Variants in NRG3 observed in about 807,000 individuals in gnomAD.
NRG3 encodes the protein neuregulin 3.
A neutral mutation model predicts 66.9 loss-of-function variants in NRG3; 31 were observed. The ratio of observed to expected loss-of-function variants is 0.46; its 90% CI spans 0.35 to 0.63. The LOEUF (loss-of-function observed/expected upper bound fraction) is 0.63. Ranked by LOEUF, NRG3 falls within the 20% of genes least tolerant of loss-of-function variation. NRG3 has a pLI of 0.00. For missense variants in NRG3, 910 were observed against 878.9 expected, an observed-to-expected ratio of 1.04 and a Z score of -0.45; for synonymous variants, 393 against 359.4, an observed-to-expected ratio of 1.09 and a Z score of -1.06.
intron 2 of NRG3, among the ~76,000 whole-genome samples, chr10:82,447,486 A>G (rs529160488): frequency 2.0e-5 from 3 of 152,346 alleles, no homozygotes; most frequent in African/African-American, 7.2e-5. Flanking sequence ...ATCAGTGCAT[A>G]TATGTTCTCC....
rs112362705 is a variant in NRG3 at position 82,368,354 on chromosome 10, T to C, written c.953+9486T>C. ...GGGAATAAAAGAGAACAGGCACAGA[T>C]ACATTATTTAAAAACACAATAATAC... On this transcript the variant is annotated intron_variant, in intron 2 of 8. Transcript: ENST00000372141. Among the ~76,000 whole-genome samples, 28 of 138,724 alleles carry C rather than the reference T, an allele frequency of 2.0e-4. 3 individuals carry two copies. The highest frequency in any genetic ancestry group is 1.8e-3 in the Admixed American group (26 of 14,722). The allele number at this position is 138,724 out of a possible 152,430, so 91.0% of individuals were successfully genotyped here. A position where few individuals can be genotyped will look rare whatever the true frequency, so the allele number is the denominator to read the frequency against.
At chr10:82,053,769 A>C (rs1231015308) in intron 1 of NRG3, among the ~76,000 whole-genome samples, 1 of 152,232 alleles carries the variant, frequency 6.6e-6, no homozygotes, top group Non-Finnish European at 1.5e-5. Context: ...GATGGTATGT[A>C]AAGCCTGGAA....
chr10:81,945,084 A>G (rs954461556), intron 1 of NRG3, among the ~76,000 whole-genome samples: 1 of 151,694 alleles, frequency 6.6e-6, no homozygotes, highest in African/African-American at 2.4e-5. Context: ...TGGCTCACCT[A>G]CTTCTCAGGG....
At chr10:82,608,362 G>T (rs1410786200) in intron 2 of NRG3, among the ~76,000 whole-genome samples, 1 of 151,996 alleles carries the variant, frequency 6.6e-6, no homozygotes, top group African/African-American at 2.4e-5. Flanking sequence ...AACCTCCTGT[G>T]GTTTGAACTT....
intron 2 of NRG3, among the ~76,000 whole-genome samples, chr10:82,560,804 A>G (rs1344195612): frequency 6.6e-6 from 1 of 151,650 alleles, no homozygotes; most frequent in Non-Finnish European, 1.5e-5. Context: ...TTCATTTTAA[A>G]TAAGAAACGA....
chr10:82,923,850 C>T (rs890332961), intron 4 of NRG3, among the ~76,000 whole-genome samples: 6 of 151,644 alleles, frequency 4.0e-5, no homozygotes, highest in Non-Finnish European at 5.9e-5. Flanking sequence ...GAGAGAGGGC[C>T]GGGCACAGAG....
At chr10:82,818,834 T>C (rs2061828491) in intron 3 of NRG3, among the ~76,000 whole-genome samples, 1 of 152,206 alleles carries the variant, frequency 6.6e-6, no homozygotes, top group African/African-American at 2.4e-5. Flanking sequence ...GAAAAACATA[T>C]TCTCTCAGCC....
intron 3 of NRG3, among the ~76,000 whole-genome samples, chr10:82,807,196 A>G (rs1042295688): frequency 2.6e-5 from 4 of 152,204 alleles, no homozygotes; most frequent in Non-Finnish European, 4.4e-5. Flanking sequence ...CTGTCAAAGT[A>G]CATAAAAAGA....
Position 82,985,549 on chromosome 10 carries a change from G to C in NRG3, c.2035G>C (p.Glu679Gln), listed in dbSNP as rs766664863. ...PLSPTAKSER[E>Q]AQFVLRNEIQ... ...GAGTCCCACAGCCAAATCAGAACGA[G>C]AGGCGCAATTTGTCTTAAGAAATGA... The change falls in exon 9 of 9, where the codon GAG (glutamate) becomes CAG (glutamine). Residue 679 changes from glutamate to glutamine, a missense_variant. By Grantham distance (29) the Glu-to-Gln change is conservative (BLOSUM62 2). Transcript: ENST00000372141. The C allele has an allele frequency of 6.2e-7, 1 of 1,613,946 alleles. No individual in the cohort carries two copies. Among genetic ancestry groups the C allele is most frequent in the South Asian group, 1.1e-5 (1 of 91,080 alleles).
At chr10:82,290,189 A>G (rs2079645118) in intron 1 of NRG3, among the ~76,000 whole-genome samples, 1 of 152,198 alleles carries the variant, frequency 6.6e-6, no homozygotes, top group African/African-American at 2.4e-5. Flanking sequence ...ACTTAGGTGT[A>G]GTATGCTTTG....
At chr10:82,556,133 C>T (rs1296578618) in intron 2 of NRG3, among the ~76,000 whole-genome samples, 2 of 152,142 alleles carry the variant, frequency 1.3e-5, no homozygotes, top group Non-Finnish European at 2.9e-5. Flanking sequence ...TTTTTGGTTA[C>T]ATCTCACTTT....
chr10:81,980,404 C>A (rs889526356), intron 1 of NRG3, among the ~76,000 whole-genome samples: 27 of 151,962 alleles, frequency 1.8e-4, no homozygotes, highest in African/African-American at 6.5e-4. Context: ...TTGGGGGAGT[C>A]AGATAATAAG....
intron 1 of NRG3, among the ~76,000 whole-genome samples, chr10:82,324,994 G>C (rs144600815): frequency 3.3e-5 from 5 of 152,112 alleles, no homozygotes; most frequent in Non-Finnish European, 7.4e-5. Flanking sequence ...ACTACCAAGA[G>C]ATAAGGGTTA....
intron 1 of NRG3, among the ~76,000 whole-genome samples, chr10:82,142,612 G>A (rs1392170767): frequency 1.3e-5 from 2 of 152,022 alleles, no homozygotes; most frequent in African/African-American, 4.8e-5. Flanking sequence ...AGGAAACATA[G>A]CAAAGCATTA....
intron 4 of NRG3, among the ~76,000 whole-genome samples, chr10:82,875,707 G>T (rs1841759351): frequency 1.3e-5 from 2 of 152,116 alleles, no homozygotes; most frequent in African/African-American, 4.8e-5. Flanking sequence ...TTTAACATGG[G>T]CTTCAGTACA....
chr10:82,616,988 T>A (rs116136223), intron 2 of NRG3, among the ~76,000 whole-genome samples: 1 of 152,208 alleles, frequency 6.6e-6, no homozygotes, highest in Non-Finnish European at 1.5e-5. Flanking sequence ...GTTTGTTAAA[T>A]TGAATGTAAA....
intron 1 of NRG3, among the ~76,000 whole-genome samples, chr10:81,931,805 A>G (rs540110290): frequency 3.3e-4 from 50 of 152,304 alleles, no homozygotes; most frequent in South Asian, 2.1e-3. Context: ...AGAGAGAAGG[A>G]AGTGTTTATT....
At chr10:82,533,659 G>C (rs541974724) in intron 2 of NRG3, among the ~76,000 whole-genome samples, 1 of 152,188 alleles carries the variant, frequency 6.6e-6, no homozygotes, top group South Asian at 2.1e-4. Flanking sequence ...AACAGAAAAA[G>C]CTTTTCCTCT....
At chr10:82,389,386 A>G (rs889663399) in intron 2 of NRG3, among the ~76,000 whole-genome samples, 11 of 152,194 alleles carry the variant, frequency 7.2e-5, no homozygotes, top group African/African-American at 2.7e-4. Flanking sequence ...CCTAGGATTC[A>G]CAGGAGATCA....
Sources: gnomAD v4.1 joint callset for allele counts (sites outside exome capture counted in the v4.1 genomes callset) on GRCh38, gnomAD v4.1.1 for gene constraint, MANE v1.5 for transcripts, NCBI Gene and HGNC (gene_info 2026-07-23, HGNC 2026-07-21) for gene names.